The following NPAS2 variants were observed in gnomAD, a reference collection of about 807,000 sequenced individuals.
NPAS2 encodes the protein neuronal PAS domain-containing protein 2.
Under a neutral mutation model 107.5 loss-of-function variants are expected in NPAS2, and 23 were observed. The observed-to-expected ratio is 0.21, with a 90% CI of 0.15 to 0.30. The LOEUF (loss-of-function observed/expected upper bound fraction) is 0.30, where lower values mean the gene tolerates loss of function less well. Ranked by LOEUF, NPAS2 falls within the 10% of genes least tolerant of loss-of-function variation. The pLI, the probability that NPAS2 is intolerant of heterozygous loss-of-function variation, is 1.00. For synonymous variants in NPAS2, 403 were observed against 417.5 expected (o/e 0.97, Z 0.42); for missense variants, 756 against 1,043.3 (o/e 0.72, Z 3.79).
chr2:100,979,480 C>CTATATATATATATATATATATA (rs201705535), intron 15 of NPAS2, among the ~76,000 whole-genome samples: 2 of 64,796 alleles, frequency 3.1e-5, no homozygotes, highest in East Asian at 6.6e-4. Context: ...TTAATAATAA[C>CTATATATATATATATATATATA]TATATATATA....
chr2:100,843,539 GT>G (rs1236651538), intron 1 of NPAS2, among the ~76,000 whole-genome samples: 1 of 152,108 alleles, frequency 6.6e-6, no homozygotes, highest in Non-Finnish European at 1.5e-5. Flanking sequence ...TTCACTGCAA[GT>G]TTTCAGTATG....
chr2:100,837,029 C>T (rs575462677), intron 1 of NPAS2, among the ~76,000 whole-genome samples: 77 of 152,140 alleles, frequency 5.1e-4, no homozygotes, highest in African/African-American at 1.8e-3. Context: ...TTGCTATTTC[C>T]AGTAAATTAC....
intron 1 of NPAS2, among the ~76,000 whole-genome samples, chr2:100,831,975 G>A (rs1378797301): frequency 1.3e-5 from 2 of 152,080 alleles, no homozygotes; most frequent in African/African-American, 4.8e-5. Context: ...ATTCTCAGCT[G>A]CCAGGGCCCC....
At chr2:100,934,446 C>G (rs964802645) in intron 4 of NPAS2, among the ~76,000 whole-genome samples, 1 of 151,950 alleles carries the variant, frequency 6.6e-6, no homozygotes, top group African/African-American at 2.4e-5. Context: ...AATTTCTAGA[C>G]AAGGAAGATT....
At chr2:100,895,011 A>C (rs973376574) in intron 1 of NPAS2, among the ~76,000 whole-genome samples, 1 of 152,222 alleles carries the variant, frequency 6.6e-6, no homozygotes, top group African/African-American at 2.4e-5. Flanking sequence ...TCTTTCTCTA[A>C]GATGGAGTTT....
intron 1 of NPAS2, among the ~76,000 whole-genome samples, chr2:100,900,003 C>T (rs924837410): frequency 1.3e-5 from 2 of 152,090 alleles, no homozygotes; most frequent in African/African-American, 2.4e-5. Context: ...GATGAAGCTT[C>T]TAGAGGAAAA....
At chr2:100,995,252 G>T (rs1343880649) in intron 20 of NPAS2, 148 bp from the exon 21 acceptor site, 40 of 556,540 alleles carry the variant, frequency 7.2e-5, no homozygotes, top group South Asian at 1.3e-4. Flanking sequence ...CCCAGGTCTT[G>T]CCAGAGCCAC....
At chr2:100,874,485 T>A (rs1355611960) in intron 1 of NPAS2, among the ~76,000 whole-genome samples, 2 of 152,084 alleles carry the variant, frequency 1.3e-5, no homozygotes, top group Non-Finnish European at 2.9e-5. Context: ...CTCATGCCTG[T>A]AATCCTAGCA....
intron 2 of NPAS2, among the ~76,000 whole-genome samples, chr2:100,911,076 C>T (rs533897892): frequency 1.9e-4 from 29 of 152,240 alleles, no homozygotes; most frequent in African/African-American, 3.1e-4. Flanking sequence ...AAAATAATTG[C>T]GGACTGTATG....
At chr2:100,818,757 C>T (rs1171586100), upstream of NPAS2, among the ~76,000 whole-genome samples, 1 of 152,224 alleles carries the variant, frequency 6.6e-6, no homozygotes, top group African/African-American at 2.4e-5. Flanking sequence ...GAGAGACGTC[C>T]GGAAAAGGCT....
intron 17 of NPAS2, chr2:100,989,944 G>A (rs138156388): frequency 1.5e-5 from 5 of 341,800 alleles, no homozygotes; most frequent in African/African-American, 8.2e-5. Context: ...TAGGGCAGGA[G>A]TAGGCCTGGT....
At chr2:100,920,787 T>C (rs1683173073) in intron 2 of NPAS2, among the ~76,000 whole-genome samples, 1 of 152,346 alleles carries the variant, frequency 6.6e-6, no homozygotes, top group South Asian at 2.1e-4. Context: ...GTACGTGTTC[T>C]TGGCCAAGCG....
intron 1 of NPAS2, among the ~76,000 whole-genome samples, chr2:100,832,080 T>C (rs915703316): frequency 6.6e-6 from 1 of 152,176 alleles, no homozygotes; most frequent in African/African-American, 2.4e-5. Context: ...TGTGTGTGTG[T>C]GATTCTCATG....
intron 1 of NPAS2, among the ~76,000 whole-genome samples, chr2:100,867,667 TTA>T (rs1374744898): frequency 6.6e-6 from 1 of 152,120 alleles, no homozygotes; most frequent in Non-Finnish European, 1.5e-5. Flanking sequence ...ACTGGAGAGA[TTA>T]TATGTTTATT....
chr2:100,836,696 CA>C (rs1677093721), intron 1 of NPAS2, among the ~76,000 whole-genome samples: 2 of 152,192 alleles, frequency 1.3e-5, no homozygotes, highest in Non-Finnish European at 2.9e-5. Flanking sequence ...AACTGTTTTG[CA>C]TCTTGGTTCC....
chr2:100,891,335 G>A (rs13418447), intron 1 of NPAS2, among the ~76,000 whole-genome samples: 8,448 of 152,024 alleles, frequency 0.056, 756 homozygotes, highest in African/African-American at 0.19. Flanking sequence ...GCATGACCAC[G>A]TGACCTGCAG....
At chr2:100,983,887 G>GA (rs1677622235) in intron 16 of NPAS2, 1 of 152,230 alleles carries the variant, frequency 6.6e-6, no homozygotes, top group African/African-American at 2.4e-5. Context: ...ACACTAACAG[G>GA]AAGGGGGAAA....
At chr2:100,960,839 C>T (rs553917806) in intron 7 of NPAS2, among the ~76,000 whole-genome samples, 1 of 152,130 alleles carries the variant, frequency 6.6e-6, no homozygotes, top group Non-Finnish European at 1.5e-5. Flanking sequence ...ATGAGCCGGG[C>T]CATCTCATGG....
At chr2:100,852,891 A>G (rs1678297990) in intron 1 of NPAS2, among the ~76,000 whole-genome samples, 1 of 152,220 alleles carries the variant, frequency 6.6e-6, no homozygotes, top group Non-Finnish European at 1.5e-5. Flanking sequence ...AATAAAATAA[A>G]TAAAAGACAA....
Sources: allele counts gnomAD v4.1 joint callset (sites outside exome capture counted in the v4.1 genomes callset), GRCh38; gene constraint gnomAD v4.1.1; transcripts MANE v1.5; gene names NCBI Gene and HGNC (gene_info 2026-07-23, HGNC 2026-07-21).